Variants in STK4 observed in about 807,000 individuals in gnomAD.
The protein encoded by STK4 is serine/threonine-protein kinase 4.
In STK4, 30 loss-of-function variants were observed where a neutral mutation model predicts 64.9. That is an observed-to-expected ratio of 0.46 (90% confidence interval 0.35 to 0.63). The LOEUF (loss-of-function observed/expected upper bound fraction) is 0.63, where lower values mean the gene tolerates loss of function less well. Ranked by LOEUF, STK4 falls within the 20% of genes least tolerant of loss-of-function variation. The pLI is 0.01. For synonymous variants in STK4, 177 were observed against 199.0 expected (o/e 0.89, Z 0.93); for missense variants, 466 against 598.5 (o/e 0.78, Z 2.31).
intron 9 of STK4, among the ~76,000 whole-genome samples, chr20:45,004,893 C>A (rs935965624): frequency 6.6e-6 from 1 of 151,738 alleles, no homozygotes; most frequent in Non-Finnish European, 1.5e-5. Context: ...CCCAGCCTCC[C>A]AAGTAGCTGG....
At chr20:44,984,264 G>A (rs1335029847) in intron 4 of STK4, among the ~76,000 whole-genome samples, 3 of 120,600 alleles carry the variant, frequency 2.5e-5, no homozygotes, top group East Asian at 5.6e-4. Context: ...GTGTGAACTC[G>A]GCTCAGTGCA....
At chr20:45,046,548 C>T (rs940153098) in intron 10 of STK4, among the ~76,000 whole-genome samples, 2 of 151,310 alleles carry the variant, frequency 1.3e-5, no homozygotes, top group African/African-American at 2.4e-5. Context: ...CTGGTTATAT[C>T]TCTGTCACAG....
At chr20:45,069,604 C>T (rs1600574787) in intron 10 of STK4, among the ~76,000 whole-genome samples, 2 of 152,326 alleles carry the variant, frequency 1.3e-5, no homozygotes, top group Admixed American at 1.3e-4. Context: ...AGGGGAATTA[C>T]TTTTAAGTTT....
chr20:44,980,380 G>T (rs1035575358), intron 3 of STK4, among the ~76,000 whole-genome samples: 6 of 152,220 alleles, frequency 3.9e-5, no homozygotes, highest in African/African-American at 1.4e-4. Context: ...TTTAACATCA[G>T]TTGTTAGGAA....
chr20:44,968,702 T>G (rs1248682766), intron 1 of STK4, among the ~76,000 whole-genome samples: 1 of 152,242 alleles, frequency 6.6e-6, no homozygotes, highest in African/African-American at 2.4e-5. Context: ...GACTAAAGTT[T>G]CTTGGCATGC....
At chr20:45,058,128 G>A (rs2145453034) in intron 10 of STK4, among the ~76,000 whole-genome samples, 1 of 151,532 alleles carries the variant, frequency 6.6e-6, no homozygotes, top group East Asian at 1.9e-4. Flanking sequence ...TTTTGACACT[G>A]TAGAGAGTTC....
intron 6 of STK4, 23 bp from the exon 7 acceptor site, chr20:44,997,146 G>T: frequency 6.3e-7 from 1 of 1,596,828 alleles, no homozygotes; most frequent in Non-Finnish European, 8.6e-7. Flanking sequence ...AGATCTTTTT[G>T]TTTGTTTGTT....
At chr20:45,045,240 T>C (rs1201810827) in intron 10 of STK4, among the ~76,000 whole-genome samples, 1 of 152,204 alleles carries the variant, frequency 6.6e-6, no homozygotes, top group African/African-American at 2.4e-5. Flanking sequence ...TTTGTTCTTT[T>C]GTTTGGCAAT....
intron 9 of STK4, among the ~76,000 whole-genome samples, chr20:45,002,302 A>T (rs1224662097): frequency 6.6e-6 from 1 of 152,152 alleles, no homozygotes; most frequent in Non-Finnish European, 1.5e-5. Context: ...TAAAGAATTA[A>T]TTTTTTTCCA....
chr20:44,988,533 G>GTATA (rs71197589), intron 5 of STK4, among the ~76,000 whole-genome samples: 11,443 of 100,920 alleles, frequency 0.11, 839 homozygotes, highest in Admixed American at 0.18. Context: ...ATGTGTGTGT[G>GTATA]TATATATATA....
intron 10 of STK4, among the ~76,000 whole-genome samples, chr20:45,058,868 G>A (rs144664474): frequency 3.3e-5 from 5 of 152,154 alleles, no homozygotes; most frequent in Admixed American, 2.6e-4. Context: ...CAAGAGCCTC[G>A]CATTCTTGTA....
chr20:45,016,033 C>T (rs1448056286), intron 9 of STK4, among the ~76,000 whole-genome samples: 1 of 152,060 alleles, frequency 6.6e-6, no homozygotes, highest in Non-Finnish European at 1.5e-5. Context: ...AGGTGCCACC[C>T]CAGGAATGCC....
intron 1 of STK4, among the ~76,000 whole-genome samples, chr20:44,971,082 T>TACACAC (rs142027582): frequency 0.028 from 3,766 of 136,438 alleles, 115 homozygotes; most frequent in East Asian, 0.061. Flanking sequence ...TTGTGTAGAC[T>TACACAC]ACACACACAC....
chr20:45,002,200 A>G (rs531515130), intron 9 of STK4, among the ~76,000 whole-genome samples: 1 of 152,206 alleles, frequency 6.6e-6, no homozygotes, highest in Non-Finnish European at 1.5e-5. Flanking sequence ...TTAATTATGT[A>G]GATGATTATA....
chr20:45,056,812 G>A (rs899743070), intron 10 of STK4, among the ~76,000 whole-genome samples: 20 of 152,170 alleles, frequency 1.3e-4, no homozygotes, highest in Non-Finnish European at 2.1e-4. Context: ...ACTCTGTAGC[G>A]TTCCCTAAGG....
chr20:44,992,375 C>T (rs1741170331), intron 5 of STK4, among the ~76,000 whole-genome samples: 1 of 151,672 alleles, frequency 6.6e-6, no homozygotes, highest in Non-Finnish European at 1.5e-5. Flanking sequence ...CCTCTTGCTT[C>T]AGGCTCCCAA....
intron 9 of STK4, among the ~76,000 whole-genome samples, chr20:45,016,188 GATGAT>G (rs1353394813): frequency 3.9e-5 from 6 of 152,316 alleles, no homozygotes; most frequent in Non-Finnish European, 7.4e-5. Flanking sequence ...TTGGCAATAA[GATGAT>G]ACATGTTTTG....
intron 10 of STK4, among the ~76,000 whole-genome samples, chr20:45,034,475 A>G (rs2068494959): frequency 6.6e-6 from 1 of 152,218 alleles, no homozygotes; most frequent in Non-Finnish European, 1.5e-5. Context: ...ACACTATGCC[A>G]TATTTACTTC....
intron 4 of STK4, 113 bp from the exon 5 acceptor site, chr20:44,987,019 C>A: frequency 1.2e-6 from 1 of 833,392 alleles, no homozygotes; most frequent in Non-Finnish European, 1.8e-6. Flanking sequence ...ATGCTGTTCA[C>A]AGGTTGAATA....
Sources: allele counts gnomAD v4.1 joint callset (sites outside exome capture counted in the v4.1 genomes callset), GRCh38; gene constraint gnomAD v4.1.1; transcripts MANE v1.5; gene names NCBI Gene and HGNC (gene_info 2026-07-23, HGNC 2026-07-21).